The following RASAL2 variants were observed in gnomAD, a reference collection of about 807,000 sequenced individuals.
RASAL2 encodes the protein ras GTPase-activating protein nGAP.
In RASAL2, 58 loss-of-function variants were observed where a neutral mutation model predicts 128.9. That is an observed-to-expected ratio of 0.45 (90% CI 0.36 to 0.56). The LOEUF (loss-of-function observed/expected upper bound fraction) is 0.56. RASAL2 is among the 20% of genes least tolerant of loss of function. RASAL2 has a pLI of 0.00. For synonymous variants in RASAL2, 561 were observed against 580.8 expected (o/e 0.97, Z 0.49); for missense variants, 1,360 against 1,601.6 (o/e 0.85, Z 2.57).
At chr1:178,203,583 G>A (rs1428006650) in intron 1 of RASAL2, among the ~76,000 whole-genome samples, 1 of 152,148 alleles carries the variant, frequency 6.6e-6, no homozygotes, top group Non-Finnish European at 1.5e-5. Flanking sequence ...GCAACATTAT[G>A]TTCTGCTGGC....
intron 1 of RASAL2, among the ~76,000 whole-genome samples, chr1:178,214,042 G>A (rs1212191547): frequency 2.0e-5 from 3 of 151,970 alleles, no homozygotes; most frequent in Non-Finnish European, 4.4e-5. Flanking sequence ...ATTGCTTGAG[G>A]CCAGGAGTTC....
At chr1:178,114,535 T>TC (rs1283845633) in intron 1 of RASAL2, among the ~76,000 whole-genome samples, 2 of 149,668 alleles carry the variant, frequency 1.3e-5, no homozygotes, top group African/African-American at 5.0e-5. Context: ...TTTTTTTTTT[T>TC]CTTTGAGATG....
intron 1 of RASAL2, among the ~76,000 whole-genome samples, chr1:178,243,390 C>A (rs1266844102): frequency 6.6e-6 from 1 of 151,920 alleles, no homozygotes; most frequent in Non-Finnish European, 1.5e-5. Context: ...GCAGGACCTC[C>A]CAGCCTGTGA....
Position 178,287,826 on chromosome 1 carries a change from A to AG in RASAL2, c.330+4139dup, listed in dbSNP as rs546739319. On this transcript the variant is annotated intron_variant, in intron 2 of 17. Transcript: ENST00000367649. ...TGATAACAATGGACTTTGGGGACTCAGGGGAAAGGGTGGGAGAGAAGTGAG... is the reference window on the plus strand; with the variant it reads ...TGATAACAATGGACTTTGGGGACTCAGGGGGAAAGGGTGGGAGAGAAGTGAG... Among the ~76,000 whole-genome samples, 342 of 152,204 alleles carry AG rather than the reference A, an allele frequency of 2.2e-3. 2 individuals carry two copies. The Middle Eastern group carries it at 0.027, about 12-fold the overall frequency.
chr1:178,303,418 A>G (rs1164721861), intron 3 of RASAL2, among the ~76,000 whole-genome samples: 1 of 151,994 alleles, frequency 6.6e-6, no homozygotes, highest in Non-Finnish European at 1.5e-5. Context: ...ATTGTCTTGG[A>G]CCACACCCAA....
At chr1:178,104,312 C>T (rs1044172339) in intron 1 of RASAL2, among the ~76,000 whole-genome samples, 7 of 152,066 alleles carry the variant, frequency 4.6e-5, no homozygotes, top group African/African-American at 1.7e-4. Context: ...TCAAGATTTT[C>T]TATTCTGTTC....
chr1:178,307,934 T>G (rs1488756625), intron 3 of RASAL2, among the ~76,000 whole-genome samples: 1 of 152,212 alleles, frequency 6.6e-6, no homozygotes, highest in Non-Finnish European at 1.5e-5. Context: ...TGCCAAACAT[T>G]CGTAAATCCG....
intron 1 of RASAL2, among the ~76,000 whole-genome samples, chr1:178,180,074 A>G (rs1662034583): frequency 6.6e-6 from 1 of 152,162 alleles, no homozygotes; most frequent in Non-Finnish European, 1.5e-5. Context: ...ATTAATCTGG[A>G]TTCTCTAATC....
intron 3 of RASAL2, among the ~76,000 whole-genome samples, chr1:178,335,777 A>G (rs984795888): frequency 2.6e-4 from 39 of 152,232 alleles, no homozygotes; most frequent in Non-Finnish European, 5.6e-4. Flanking sequence ...TCCAATAAAT[A>G]TATACATTGT....
intron 1 of RASAL2, among the ~76,000 whole-genome samples, chr1:178,155,189 AT>A (rs1661042227): frequency 6.6e-6 from 1 of 152,128 alleles, no homozygotes; most frequent in Non-Finnish European, 1.5e-5. Context: ...AGGAAATAGG[AT>A]TTTGATTCTG....
At chr1:178,283,454 G>C in intron 1 of RASAL2, 110 bp from the exon 2 acceptor site, 6 of 1,294,700 alleles carry the variant, frequency 4.6e-6, no homozygotes, top group Non-Finnish European at 6.3e-6. Flanking sequence ...ATTGAGATTC[G>C]TGTTTAGGCT....
At chr1:178,138,330 A>G (rs1231394880) in intron 1 of RASAL2, among the ~76,000 whole-genome samples, 2 of 152,222 alleles carry the variant, frequency 1.3e-5, no homozygotes, top group African/African-American at 2.4e-5. Flanking sequence ...ATGATATCAT[A>G]TACTTTTGTA....
chr1:178,171,055 T>C (rs1443870071), intron 1 of RASAL2, among the ~76,000 whole-genome samples: 1 of 151,966 alleles, frequency 6.6e-6, no homozygotes, highest in Non-Finnish European at 1.5e-5. Flanking sequence ...TTAATAATTA[T>C]TAATCAGCAG....
chr1:178,140,337 G>A lies in RASAL2; in HGVS notation c.202+45643G>A, dbSNP rs184979810. ...GCAGTTGATGAACCAATATTGATGC[G>A]TTATCAGTTTACATTAGGTTTCTGT... On this transcript the variant is annotated intron_variant, in intron 1 of 17. Transcript: ENST00000367649. Among the ~76,000 whole-genome samples the A allele has an allele frequency of 3.9e-4, 59 of 152,184 alleles. 1 individual carries two copies. Among genetic ancestry groups the A allele is most frequent in the Admixed American group, 3.4e-3 (52 of 15,280 alleles).
intron 1 of RASAL2, among the ~76,000 whole-genome samples, chr1:178,266,831 T>C (rs914554463): frequency 6.6e-6 from 1 of 152,158 alleles, no homozygotes; most frequent in Non-Finnish European, 1.5e-5. Context: ...CCTTTTAATA[T>C]GCAAATGCAG....
intron 4 of RASAL2, among the ~76,000 whole-genome samples, chr1:178,404,841 C>T (rs1673896063): frequency 6.6e-6 from 1 of 151,634 alleles, no homozygotes; most frequent in Non-Finnish European, 1.5e-5. Context: ...GCCACCACAC[C>T]CAGCTAATTT....
At chr1:178,312,756 T>C (rs890094417) in intron 3 of RASAL2, among the ~76,000 whole-genome samples, 1 of 152,096 alleles carries the variant, frequency 6.6e-6, no homozygotes, top group African/African-American at 2.4e-5. Context: ...GCGGAAACAA[T>C]AGGAAGCGCA....
intron 1 of RASAL2, among the ~76,000 whole-genome samples, chr1:178,162,388 A>G (rs1322819940): frequency 8.7e-6 from 1 of 114,858 alleles, no homozygotes; most frequent in African/African-American, 3.5e-5. Flanking sequence ...TTTATATATT[A>G]TATATATTAT....
intron 3 of RASAL2, among the ~76,000 whole-genome samples, chr1:178,386,224 G>T (rs1263664954): frequency 6.6e-6 from 1 of 152,170 alleles, no homozygotes; most frequent in Admixed American, 6.5e-5. Context: ...TGACATAGAG[G>T]AATATGTGTA....
Sources: allele counts gnomAD v4.1 joint callset (sites outside exome capture counted in the v4.1 genomes callset), GRCh38; gene constraint gnomAD v4.1.1; transcripts MANE v1.5; gene names NCBI Gene and HGNC (gene_info 2026-07-23, HGNC 2026-07-21).